CDC37L1: variants seen among roughly 807,000 people sequenced by gnomAD.
The protein encoded by CDC37L1 is hsp90 co-chaperone Cdc37-like 1.
In CDC37L1, 32 loss-of-function variants were observed where a neutral mutation model predicts 45.9. That is an observed-to-expected ratio of 0.70 (90% CI 0.53 to 0.94). CDC37L1 has a LOEUF of 0.94. CDC37L1 is among the 40% of genes least tolerant of loss of function. The probability of loss-of-function intolerance (pLI) is 0.00; values close to 1 mark genes in which losing one functional copy is unlikely to be tolerated. For synonymous variants in CDC37L1, 150 were observed against 133.0 expected, an observed-to-expected ratio of 1.13 and a Z score of -0.88; for missense variants, 434 against 405.7, an observed-to-expected ratio of 1.07 and a Z score of -0.60.
intron 5 of CDC37L1, among the ~76,000 whole-genome samples, chr9:4,698,441 A>G (rs549319605): frequency 1.0e-4 from 15 of 149,718 alleles, no homozygotes; most frequent in Non-Finnish European, 2.1e-4. Context: ...GAAGCAGTAC[A>G]TACTAGATGA....
chr9:4,684,594 T>G (rs575899853), intron 1 of CDC37L1, among the ~76,000 whole-genome samples: 108 of 152,320 alleles, frequency 7.1e-4, no homozygotes, highest in South Asian at 6.0e-3. Context: ...AGACTATTAA[T>G]TAAACGTTTG....
chr9:4,705,408 C>T (rs1197589571), intron 6 of CDC37L1, among the ~76,000 whole-genome samples: 1 of 152,082 alleles, frequency 6.6e-6, no homozygotes, highest in African/African-American at 2.4e-5. Context: ...TTGAAATTGA[C>T]AAGCATAACA....
intron 3 of CDC37L1, among the ~76,000 whole-genome samples, chr9:4,689,434 G>A (rs115473993): frequency 0.014 from 2,065 of 151,578 alleles, 29 homozygotes; most frequent in African/African-American, 0.037. Context: ...TCCTGTTGGT[G>A]TTTATTTACC....
chr9:4,705,006 C>T (rs369804130), intron 6 of CDC37L1, among the ~76,000 whole-genome samples: 2 of 152,084 alleles, frequency 1.3e-5, no homozygotes, highest in African/African-American at 4.8e-5. Flanking sequence ...TTCATAAAGA[C>T]CTGATTGGGA....
rs774398753 is a variant in CDC37L1 at position 4,685,030 on chromosome 9, G to T, written c.286G>T (p.Ala96Ser). ...SESLDQEHAK[A>S]QTAVSELRQR... ...GTCCTTGGATCAGGAGCATGCCAAA[G>T]CACAAACAGCAGTATCAGAACTGAG... Residue 96 changes from alanine to serine, a missense_variant, in exon 2 of 7, where the codon GCA (alanine) becomes TCA (serine). Transcript: ENST00000381854. The T allele has an allele frequency of 6.2e-7, 1 of 1,614,140 alleles. No individual in the cohort carries two copies. Among genetic ancestry groups the T allele is most frequent in the South Asian group, 1.1e-5 (1 of 91,086 alleles).
intron 1 of CDC37L1, among the ~76,000 whole-genome samples, chr9:4,683,004 A>AAT (rs199786254): frequency 2.4e-4 from 35 of 143,902 alleles, no homozygotes; most frequent in African/African-American, 8.1e-4. Flanking sequence ...ATTAAAATAT[A>AAT]ATATATATAT....
intron 3 of CDC37L1, among the ~76,000 whole-genome samples, chr9:4,694,758 C>A (rs1344847246): frequency 2.0e-5 from 3 of 152,014 alleles, no homozygotes; most frequent in African/African-American, 7.3e-5. Flanking sequence ...GTAATCCCAG[C>A]TTCCAGGAGG....
chr9:4,681,097 G>A (rs529671227), intron 1 of CDC37L1, among the ~76,000 whole-genome samples: 6 of 152,124 alleles, frequency 3.9e-5, no homozygotes, highest in African/African-American at 1.4e-4. Context: ...TATACAAAAT[G>A]TATTATAAGC....
Position 4,706,126 on chromosome 9 carries a change from G to C in CDC37L1, c.*14G>C. On this transcript the variant is annotated 3_prime_UTR_variant, in exon 7 of 7. Coordinates refer to ENST00000381854, the MANE Select transcript of CDC37L1 (RefSeq NM_017913.4). ...GACACTGTATAATTTGGTTAAGACTGCTGAGGCCAAGTGCTATTTTGTTAC... is the reference window on the plus strand; with the variant it reads ...GACACTGTATAATTTGGTTAAGACTCCTGAGGCCAAGTGCTATTTTGTTAC... 7.8e-7 allele frequency: 1 copy of C among 1,283,248 alleles called. No individual in the cohort carries two copies. The highest frequency in any genetic ancestry group is 1.1e-6 in the Non-Finnish European group (1 of 880,116). 79.5% of individuals were successfully genotyped at this position (1,283,248 alleles called of 1,614,324 possible).
At chr9:4,686,706 T>A (rs1013518879) in intron 2 of CDC37L1, among the ~76,000 whole-genome samples, 2 of 152,210 alleles carry the variant, frequency 1.3e-5, no homozygotes, top group Non-Finnish European at 2.9e-5. Flanking sequence ...GTTCCAGTCA[T>A]TTGCTCAAAA....
At chr9:4,699,894 A>C (rs923703896) in intron 5 of CDC37L1, among the ~76,000 whole-genome samples, 5 of 152,206 alleles carry the variant, frequency 3.3e-5, no homozygotes, top group African/African-American at 9.7e-5. Flanking sequence ...CCAAAAGTTT[A>C]ACTTTGGTTA....
In CDC37L1 at chr9:4,701,956, A is replaced by C. The variant is rs778045537; in HGVS notation, c.840A>C (p.Gln280His). The C allele has an allele frequency of 6.3e-7, 1 of 1,577,880 alleles. No individual in the cohort carries two copies. Among genetic ancestry groups the C allele is most frequent in the Middle Eastern group, 1.7e-4 (1 of 5,874 alleles). Reference protein sequence around the residue: ...VRLYSQSQSFQPMTVQNHVPH... With the variant: ...VRLYSQSQSFHPMTVQNHVPH... ...TTTATTCTCAATCACAAAGTTTTCA[A>C]CCTATGACAGTTCAGAATCATGTTC... Residue 280 changes from glutamine (Q) to histidine (H), a missense_variant, in exon 6 of 7, where the codon CAA becomes CAC. Physicochemically the swap from Gln to His is conservative, Grantham distance 24. Transcript: ENST00000381854.
At chr9:4,700,378 G>C (rs1289293511) in intron 5 of CDC37L1, among the ~76,000 whole-genome samples, 2 of 152,132 alleles carry the variant, frequency 1.3e-5, no homozygotes, top group Non-Finnish European at 2.9e-5. Flanking sequence ...GAACTTCTGG[G>C]CTCAAGCTGT....
chr9:4,698,920 A>G (rs2130852546), intron 5 of CDC37L1, among the ~76,000 whole-genome samples: 1 of 142,350 alleles, frequency 7.0e-6, no homozygotes. Flanking sequence ...TCTTCTCACT[A>G]AATTTTTTTG....
chr9:4,698,072 A>G (rs1278188438), intron 5 of CDC37L1, among the ~76,000 whole-genome samples, 193 bp downstream of exon 5: 2 of 152,214 alleles, frequency 1.3e-5, no homozygotes, highest in African/African-American at 4.8e-5. Flanking sequence ...AAGAGGCTGT[A>G]CTACAGCATG....
At chr9:4,684,004 G>C (rs910865385) in intron 1 of CDC37L1, among the ~76,000 whole-genome samples, 1 of 152,198 alleles carries the variant, frequency 6.6e-6, no homozygotes, top group Non-Finnish European at 1.5e-5. Context: ...GTAACTTTGT[G>C]GCCAGGCGCA....
chr9:4,706,089 C>T lies in CDC37L1; in HGVS notation c.991C>T (p.Pro331Ser). 1 of 1,589,894 alleles carries T rather than the reference C, an allele frequency of 6.3e-7. No homozygotes were observed. Among genetic ancestry groups the T allele is most frequent in the Non-Finnish European group, 8.6e-7 (1 of 1,158,262 alleles). Reference sequence around the variant, plus strand: ...GGTGGTACATAAAGAAGATGATGAACCCAAAATGATGGACACTGTATAATT... The same window carrying T: ...GGTGGTACATAAAGAAGATGATGAATCCAAAATGATGGACACTGTATAATT... Reference protein sequence around the residue: ...NSVVHKEDDEPKMMDTV With the variant: ...NSVVHKEDDESKMMDTV Residue 331 changes from proline to serine, a missense_variant, in exon 7 of 7, where the codon CCC (proline) becomes TCC (serine). Pro to Ser is a moderately conservative substitution (Grantham distance 74). Coordinates refer to ENST00000381854, the MANE Select transcript of CDC37L1 (RefSeq NM_017913.4).
intron 1 of CDC37L1, among the ~76,000 whole-genome samples, chr9:4,681,630 C>CT (rs1841194944): frequency 1.3e-5 from 2 of 152,034 alleles, no homozygotes; most frequent in South Asian, 4.1e-4. Flanking sequence ...GAGCGAAACT[C>CT]TTGTCTCAAA....
At position 4,703,205 on chromosome 9, in the gene CDC37L1, A is replaced by G. The variant is rs575503790; in HGVS notation, c.912+1177A>G. On this transcript the variant is annotated intron_variant, in intron 6 of 6. Transcript: ENST00000381854. ...CTATATTTAGTTTTAAACCTCATAA[A>G]GTGCTAAAAATTGGGATTTTCAGTG... 4 of 1,260,432 alleles carry G rather than the reference A, an allele frequency of 3.2e-6. No homozygotes were observed. In the African/African-American group the frequency reaches 6.1e-5, roughly 19 times the overall value. 78.1% of individuals were successfully genotyped at this position (1,260,432 alleles called of 1,614,324 possible). A position where few individuals can be genotyped will look rare whatever the true frequency, so the allele number is the denominator to read the frequency against.
Sources: gnomAD v4.1 joint callset for allele counts (sites outside exome capture counted in the v4.1 genomes callset) on GRCh38, gnomAD v4.1.1 for gene constraint, MANE v1.5 for transcripts, NCBI Gene and HGNC (gene_info 2026-07-23, HGNC 2026-07-21) for gene names.